Variants in DMD observed in about 807,000 individuals in gnomAD.
The protein encoded by DMD is dystrophin, also known as mutant dystrophin.
DMD carries 63 observed loss-of-function variants against 330.1 expected under a neutral mutation model. That is an observed-to-expected ratio of 0.19 (90% confidence interval 0.16 to 0.24). DMD has a LOEUF of 0.24. DMD is among the 10% of genes least tolerant of loss of function. DMD has a pLI of 1.00. For synonymous variants in DMD, 1,223 were observed against 959.8 expected (o/e 1.27, Z -5.07); for missense variants, 3,344 against 2,684.1 (o/e 1.25, Z -5.43).
intron 44 of DMD, among the ~76,000 whole-genome samples, chrX:32,041,099 G>A (rs2095998168): frequency 9.0e-6 from 1 of 111,685 alleles, no homozygotes; most frequent in African/African-American, 3.3e-5. Context: ...CAAGTAGAAA[G>A]GGGTCATGTC....
chrX:32,117,628 G>T (rs1465764792), intron 44 of DMD, among the ~76,000 whole-genome samples: 1 of 112,115 alleles, frequency 8.9e-6, no homozygotes, highest in Non-Finnish European at 1.9e-5. Flanking sequence ...CCAGCAGAAG[G>T]TTCATGAATG....
chrX:32,539,411 A>C (rs2048295208), intron 17 of DMD, among the ~76,000 whole-genome samples: 1 of 111,144 alleles, frequency 9.0e-6, no homozygotes, highest in Non-Finnish European at 1.9e-5. Context: ...AAAAAGAAGC[A>C]AATCATCTAA....
intron 34 of DMD, among the ~76,000 whole-genome samples, chrX:32,370,672 TTACTC>T (rs1369874100): frequency 9.1e-6 from 1 of 110,215 alleles, no homozygotes; most frequent in Non-Finnish European, 1.9e-5. Context: ...CACAGATAAA[TTACTC>T]TGCTCACTTT....
chrX:31,279,316 G>C (rs2052437944), intron 62 of DMD, among the ~76,000 whole-genome samples: 1 of 112,338 alleles, frequency 8.9e-6, no homozygotes, highest in Non-Finnish European at 1.9e-5. Flanking sequence ...ATTCAGAAGA[G>C]AATTTAGTCC....
chrX:33,095,256 T>C (rs1297208972), intron 1 of DMD, among the ~76,000 whole-genome samples: 1 of 112,776 alleles, frequency 8.9e-6, no homozygotes, highest in East Asian at 2.8e-4. Context: ...GCAACTGCTT[T>C]TTAAAATTCC....
At chrX:33,010,995 T>C (rs1427049798) in intron 2 of DMD, among the ~76,000 whole-genome samples, 1 of 111,531 alleles carries the variant, frequency 9.0e-6, no homozygotes, top group Non-Finnish European at 1.9e-5. Flanking sequence ...TTCTAGGTAA[T>C]TCCAATGCGT....
At chrX:31,266,714 C>G (rs2051162219) in intron 62 of DMD, 1 of 914,605 alleles carries the variant, frequency 1.1e-6, no homozygotes, top group African/African-American at 2.0e-5. Context: ...GCCGCCGCGC[C>G]TGTCCAAGTT....
At chrX:31,863,475 C>A (rs1039444238) in intron 48 of DMD, among the ~76,000 whole-genome samples, 1 of 112,369 alleles carries the variant, frequency 8.9e-6, no homozygotes, top group Non-Finnish European at 1.9e-5. Flanking sequence ...ACCTCTCTGA[C>A]CTATCCCACT....
At chrX:33,096,060 C>T (rs1368042897) in intron 1 of DMD, among the ~76,000 whole-genome samples, 1 of 102,119 alleles carries the variant, frequency 9.8e-6, no homozygotes, top group East Asian at 3.1e-4. Flanking sequence ...CTGCAACCTC[C>T]GCCTCTTGGG....
chrX:32,132,183 GT>G (rs1378298934), intron 44 of DMD, among the ~76,000 whole-genome samples: 1 of 111,758 alleles, frequency 8.9e-6, no homozygotes, highest in Non-Finnish European at 1.9e-5. Flanking sequence ...AGGTCAATTT[GT>G]TTTGACCTAA....
At chrX:32,596,277 C>A (rs777006076) in intron 12 of DMD, among the ~76,000 whole-genome samples, 4 of 103,015 alleles carry the variant, frequency 3.9e-5, no homozygotes, top group Non-Finnish European at 7.9e-5. Flanking sequence ...CTCCTACTGT[C>A]CTATTATGTG....
At chrX:32,894,266 G>A (rs2085489506) in intron 2 of DMD, among the ~76,000 whole-genome samples, 1 of 111,992 alleles carries the variant, frequency 8.9e-6, no homozygotes, top group Admixed American at 9.5e-5. Context: ...GAAGGCATCA[G>A]GTTCAAGAGA....
chrX:31,547,359 G>A (rs2074203548), intron 55 of DMD, among the ~76,000 whole-genome samples: 2 of 112,384 alleles, frequency 1.8e-5, no homozygotes, highest in Non-Finnish European at 3.7e-5. Flanking sequence ...TGTGGCAATA[G>A]TTGGAGGTGG....
chrX:31,687,778 T>C (rs1291651671), intron 52 of DMD, among the ~76,000 whole-genome samples: 1 of 112,241 alleles, frequency 8.9e-6, no homozygotes, highest in Non-Finnish European at 1.9e-5. Flanking sequence ...CCACTGCATG[T>C]TATTTGTTTC....
intron 7 of DMD, among the ~76,000 whole-genome samples, chrX:32,715,911 T>C (rs2065670410): frequency 8.9e-6 from 1 of 111,851 alleles, no homozygotes; most frequent in South Asian, 3.8e-4. Context: ...ATCTCACTTG[T>C]TTGTGGAAAC....
intron 44 of DMD, among the ~76,000 whole-genome samples, chrX:32,054,871 A>C: frequency 3.3e-5 from 1 of 30,170 alleles, no homozygotes; most frequent in Non-Finnish European, 5.6e-5. Context: ...AGGGAAGGGA[A>C]GGGGAGGGGA....
At chrX:32,432,598 T>C (rs940082591) in intron 29 of DMD, among the ~76,000 whole-genome samples, 8 of 112,072 alleles carry the variant, frequency 7.1e-5, no homozygotes, top group African/African-American at 2.6e-4. Flanking sequence ...ATCTATTTCA[T>C]AAAGCAAATG....
At chrX:31,200,383 C>T (rs1326236459) in intron 67 of DMD, among the ~76,000 whole-genome samples, 1 of 111,408 alleles carries the variant, frequency 9.0e-6, no homozygotes, top group Non-Finnish European at 1.9e-5. Context: ...CTTCCACCAG[C>T]TGAGGGACTT....
intron 38 of DMD, among the ~76,000 whole-genome samples, chrX:32,346,380 T>A (rs1038603081): frequency 9.0e-6 from 1 of 111,320 alleles, no homozygotes; most frequent in African/African-American, 3.3e-5. Flanking sequence ...GAAAGTATTC[T>A]TTTGGCTTTT....
Sources: allele counts gnomAD v4.1 joint callset (sites outside exome capture counted in the v4.1 genomes callset), GRCh38; gene constraint gnomAD v4.1.1; transcripts MANE v1.5; gene names NCBI Gene and HGNC (gene_info 2026-07-23, HGNC 2026-07-21).